HOXA3: variants seen among roughly 807,000 people sequenced by gnomAD.
HOXA3 encodes homeobox A3, also known as homeobox protein Hox-A3.
A neutral mutation model predicts 30.3 loss-of-function variants in HOXA3; 8 were observed. The observed-to-expected ratio is 0.26, with a 90% CI of 0.15 to 0.48. The LOEUF (loss-of-function observed/expected upper bound fraction) is 0.48. Ranked by LOEUF, HOXA3 falls within the 20% of genes least tolerant of loss-of-function variation. The probability of loss-of-function intolerance (pLI) is 0.99; values close to 1 mark genes in which losing one functional copy is unlikely to be tolerated. For missense variants in HOXA3, 653 were observed against 614.4 expected (o/e 1.06, Z -0.66); for synonymous variants, 323 against 273.1 (o/e 1.18, Z -1.80).
chr7:27,128,525 T>A (rs1785378871), intron 2 of HOXA3: 1 of 152,264 alleles, frequency 6.6e-6, no homozygotes, highest in Admixed American at 6.5e-5. Flanking sequence ...AGATTTTTAA[T>A]GTTTTTTAAA....
intron 4 of HOXA3, among the ~76,000 whole-genome samples, chr7:27,114,223 C>A (rs1446680762): frequency 2.0e-5 from 3 of 151,930 alleles, no homozygotes; most frequent in Non-Finnish European, 4.4e-5. Context: ...TGCTCCCAGG[C>A]GTCACGAAAG....
chr7:27,151,776 A>G (rs1219723553), intron 1 of HOXA3: 2 of 437,932 alleles, frequency 4.6e-6, no homozygotes, highest in Non-Finnish European at 9.3e-6. Context: ...ATGCCTGTGG[A>G]TTAATGCACT....
Position 27,142,079 on chromosome 7 carries a change from A to C in HOXA3, c.-493-1893T>G, listed in dbSNP as rs762636656. 3 of 1,613,104 alleles carry C rather than the reference A, an allele frequency of 1.9e-6. No individual in the cohort carries two copies. The South Asian group carries it at 3.3e-5, about 18-fold the overall frequency. ...GGCCCTTTTGCCTTCCGGGCCGCCTATGTTGTCTGCAATAGAAAAGTCAGC... is the reference window on the plus strand; with the variant it reads ...GGCCCTTTTGCCTTCCGGGCCGCCTCTGTTGTCTGCAATAGAAAAGTCAGC... On this transcript the variant is annotated intron_variant, in intron 1 of 5. Coordinates refer to ENST00000612286, the MANE Select transcript of HOXA3 (RefSeq NM_153631.3).
chr7:27,121,036 G>C (rs1392470218), intron 4 of HOXA3: 1 of 152,238 alleles, frequency 6.6e-6, no homozygotes, highest in South Asian at 2.1e-4. Flanking sequence ...GGAAAAAGCA[G>C]GCAACCAAGG....
chr7:27,145,668 G>A, intron 1 of HOXA3: 3 of 1,613,510 alleles, frequency 1.9e-6, no homozygotes, highest in Non-Finnish European at 2.5e-6. Flanking sequence ...CTACTCGCCC[G>A]CCTTTGCCTC....
At chr7:27,136,673 A>G (rs1228371053) in intron 2 of HOXA3, among the ~76,000 whole-genome samples, 1 of 152,222 alleles carries the variant, frequency 6.6e-6, no homozygotes, top group Non-Finnish European at 1.5e-5. Flanking sequence ...GCGATGACAG[A>G]CTTCACCTCC....
At chr7:27,130,030 C>G in intron 2 of HOXA3, 1 of 1,430,034 alleles carries the variant, frequency 7.0e-7, no homozygotes, top group Non-Finnish European at 9.4e-7. Context: ...AGGCCCCCTT[C>G]CCCTGAGCCT....
At chr7:27,131,052 G>C (rs1419815946) in intron 2 of HOXA3, among the ~76,000 whole-genome samples, 2 of 152,144 alleles carry the variant, frequency 1.3e-5, no homozygotes, top group African/African-American at 4.8e-5. Context: ...CCTGGGCTGG[G>C]GGAGGGAGCA....
intron 4 of HOXA3, chr7:27,119,413 C>A (rs1396905543): frequency 1.3e-5 from 2 of 152,194 alleles, no homozygotes; most frequent in East Asian, 3.8e-4. Context: ...CAACTGTGCT[C>A]AGGAAGAACC....
chr7:27,149,504 A>G (rs1357177709), intron 1 of HOXA3, among the ~76,000 whole-genome samples: 1 of 152,208 alleles, frequency 6.6e-6, no homozygotes, highest in Non-Finnish European at 1.5e-5. Context: ...AAAAATTGGG[A>G]AAGGACTGGC....
chr7:27,139,299 C>G (rs897465682), intron 2 of HOXA3, among the ~76,000 whole-genome samples: 2 of 152,218 alleles, frequency 1.3e-5, no homozygotes, highest in African/African-American at 2.4e-5. Context: ...GGGTTCAGGG[C>G]CTGGTCCCGG....
Position 27,107,885 on chromosome 7 carries a change from C to G in HOXA3, c.*30G>C. On this transcript the variant is annotated 3_prime_UTR_variant, in exon 6 of 6. Coordinates refer to ENST00000612286, the MANE Select transcript of HOXA3 (RefSeq NM_153631.3). ...AAGAAAAAAGGTGGGTGGGGGGAGA[C>G]TCTCCTGGCGCGTAGCCCCAAGCCC... is the stretch of plus-strand genomic sequence containing the variant. 1 of 1,186,734 alleles carries G rather than the reference C, an allele frequency of 8.4e-7. No individual in the cohort carries two copies. The highest frequency in any genetic ancestry group is 1.1e-6 in the Non-Finnish European group (1 of 880,664). 73.5% of individuals were successfully genotyped at this position (1,186,734 alleles called of 1,614,324 possible).
intron 2 of HOXA3, chr7:27,130,023 C>A (rs774894550): frequency 1.4e-4 from 197 of 1,393,126 alleles, no homozygotes; most frequent in Non-Finnish European, 1.8e-4. Context: ...CCTCCCGAGG[C>A]CCCCTTCCCC....
chr7:27,140,601 G>C (rs1176495921), intron 1 of HOXA3: 1 of 152,250 alleles, frequency 6.6e-6, no homozygotes, highest in African/African-American at 2.4e-5. Context: ...GGTCCCGGGT[G>C]AAGAGTGGGG....
Position 27,107,997 on chromosome 7 carries a change from G to A in HOXA3, c.1250C>T (p.Pro417Leu), listed in dbSNP as rs770556616. Residue 417 changes from proline (P) to leucine (L), a missense_variant, in exon 6 of 6, where the codon CCG becomes CTG. By Grantham distance (98) the Pro-to-Leu change is moderately conservative. This residue lies in a region of HOXA3 where 330 missense variants were observed against 274.4 expected (regional missense o/e 1.20). Coordinates refer to ENST00000612286, the MANE Select transcript of HOXA3 (RefSeq NM_153631.3). Reference sequence around the variant, plus strand: ...GGTAAGGTCCGTGTAGGTGGGGTGCGGCTCCCCAGGCCCCGGCCCGTGGTG... The same window carrying A: ...GGTAAGGTCCGTGTAGGTGGGGTGCAGCTCCCCAGGCCCCGGCCCGTGGTG... ...GHHHGPGPGE[P>L]HPTYTDLTGH... is the part of the protein sequence containing the mutation. 46 of 1,611,702 alleles carry A rather than the reference G, an allele frequency of 2.9e-5. No individual in the cohort carries two copies. The South Asian group carries it at 3.4e-4, about 12-fold the overall frequency.
intron 2 of HOXA3, chr7:27,130,601 G>T: frequency 2.0e-6 from 3 of 1,537,206 alleles, no homozygotes; most frequent in Non-Finnish European, 2.6e-6. Flanking sequence ...GGCGCTGGGG[G>T]CTGCTGGTAG....
intron 1 of HOXA3, among the ~76,000 whole-genome samples, chr7:27,144,284 C>T (rs1217807818): frequency 6.6e-6 from 1 of 152,156 alleles, no homozygotes; most frequent in Non-Finnish European, 1.5e-5. Context: ...AGAAATAAAT[C>T]CTGCCCGCAG....
intron 4 of HOXA3, among the ~76,000 whole-genome samples, chr7:27,120,259 T>C (rs1784938935): frequency 6.6e-6 from 1 of 152,064 alleles, no homozygotes; most frequent in Non-Finnish European, 1.5e-5. Flanking sequence ...AAGCCATAAA[T>C]TGTCCGGGTG....
At chr7:27,146,210 C>T (rs371922787) in intron 1 of HOXA3, among the ~76,000 whole-genome samples, 1 of 151,560 alleles carries the variant, frequency 6.6e-6, no homozygotes. Context: ...TTGGGATGCC[C>T]AGGTCGTGTT....
Sources: allele counts gnomAD v4.1 joint callset (sites outside exome capture counted in the v4.1 genomes callset), GRCh38; gene constraint gnomAD v4.1.1; regional missense constraint gnomAD v4.1.1; transcripts MANE v1.5; gene names NCBI Gene and HGNC (gene_info 2026-07-23, HGNC 2026-07-21).